The following FAM120A variants were observed in gnomAD, a reference collection of about 807,000 sequenced individuals.
FAM120A encodes family with sequence similarity 120 member A.
In FAM120A, 15 loss-of-function variants were observed where a neutral mutation model predicts 109.7. That is an observed-to-expected ratio of 0.14 (90% CI 0.09 to 0.21). The LOEUF is 0.21. Among genes scored for constraint, FAM120A ranks in the 10% least tolerant of loss-of-function variants. The pLI is 1.00. For missense variants in FAM120A, 899 were observed against 1,439.3 expected, an observed-to-expected ratio of 0.62 and a Z score of 6.07; for synonymous variants, 493 against 572.8, an observed-to-expected ratio of 0.86 and a Z score of 1.99.
intron 3 of FAM120A, among the ~76,000 whole-genome samples, chr9:93,479,668 T>A (rs1184896034): frequency 6.6e-6 from 1 of 152,230 alleles, no homozygotes; most frequent in Non-Finnish European, 1.5e-5. Flanking sequence ...ATAATTTATG[T>A]GATTCCAAAT....
chr9:93,527,486 A>C (rs376126436), intron 8 of FAM120A, among the ~76,000 whole-genome samples: 37 of 152,204 alleles, frequency 2.4e-4, no homozygotes, highest in African/African-American at 8.7e-4. Context: ...CAAGGTGCTT[A>C]GGACCTTCCT....
intron 5 of FAM120A, among the ~76,000 whole-genome samples, chr9:93,501,410 GTGAGTA>G (rs565045599): frequency 5.9e-5 from 9 of 152,206 alleles, no homozygotes; most frequent in Admixed American, 5.9e-4. Context: ...AAGATTTTAG[GTGAGTA>G]TTTTAGAGGT....
At chr9:93,478,655 T>C (rs142937780) in intron 3 of FAM120A, among the ~76,000 whole-genome samples, 1,875 of 152,232 alleles carry the variant, frequency 0.012, 17 homozygotes, top group Middle Eastern at 0.037. Flanking sequence ...TTTGTGTTTT[T>C]AGTAGAGGCA....
Position 93,556,606 on chromosome 9 carries a change from C to T in FAM120A, c.2484+15C>T, listed in dbSNP as rs201824177. ...GTGATGGTCAGGTATGCTGCGGGGC[C>T]GGGTGGCTGCCTTTAACTGCAATGA... On this transcript the variant is annotated intron_variant, in intron 13 of 17. Transcript: ENST00000277165. The T allele has an allele frequency of 3.3e-5, 54 of 1,612,224 alleles. 1 individual carries two copies. Among genetic ancestry groups the T allele is most frequent in the East Asian group, 2.7e-4 (12 of 44,852 alleles).
At chr9:93,467,252 C>G (rs576394805) in intron 1 of FAM120A, among the ~76,000 whole-genome samples, 1 of 111,724 alleles carries the variant, frequency 9.0e-6, no homozygotes, top group Admixed American at 8.5e-5. Context: ...TGTCACCCCC[C>G]CCCCCCTTTT....
At chr9:93,562,944 C>T (rs1862523162) in intron 17 of FAM120A, among the ~76,000 whole-genome samples, 1 of 152,098 alleles carries the variant, frequency 6.6e-6, no homozygotes, top group Non-Finnish European at 1.5e-5. Context: ...GAATTACAGG[C>T]GTGAGCCACC....
chr9:93,473,121 A>G (rs1247184350), intron 2 of FAM120A, among the ~76,000 whole-genome samples: 1 of 151,672 alleles, frequency 6.6e-6, no homozygotes, highest in Non-Finnish European at 1.5e-5. Context: ...TGGTTCAAGC[A>G]GTTCTCATGC....
chr9:93,536,742 T>G (rs1861532853), intron 10 of FAM120A, among the ~76,000 whole-genome samples: 1 of 152,190 alleles, frequency 6.6e-6, no homozygotes, highest in African/African-American at 2.4e-5. Flanking sequence ...TTTCTAACCC[T>G]TCTGCTCCTG....
chr9:93,468,213 A>G (rs1356281656), intron 1 of FAM120A, among the ~76,000 whole-genome samples: 2 of 152,196 alleles, frequency 1.3e-5, no homozygotes, highest in Non-Finnish European at 2.9e-5. Context: ...GTTCTACTGC[A>G]TATTGGCCTG....
At chr9:93,529,751 C>T in intron 9 of FAM120A, 171 bp downstream of exon 9, 2 of 663,624 alleles carry the variant, frequency 3.0e-6, no homozygotes, top group South Asian at 1.8e-5. Context: ...ACATTTATAA[C>T]TGTAAATAGT....
chr9:93,460,686 T>G (rs1857756029), intron 1 of FAM120A, among the ~76,000 whole-genome samples: 1 of 152,220 alleles, frequency 6.6e-6, no homozygotes, highest in African/African-American at 2.4e-5. Context: ...GATGAAGACC[T>G]TGCCTGTTAT....
intron 1 of FAM120A, among the ~76,000 whole-genome samples, chr9:93,456,279 T>C (rs1276340769): frequency 6.6e-6 from 1 of 152,272 alleles, no homozygotes; most frequent in African/African-American, 2.4e-5. Flanking sequence ...ATGAAGTCAC[T>C]GGAGCTTTCA....
chr9:93,492,579 A>T (rs1004385943), intron 3 of FAM120A, among the ~76,000 whole-genome samples: 2 of 152,158 alleles, frequency 1.3e-5, no homozygotes, highest in African/African-American at 2.4e-5. Context: ...CAGGGAGCTC[A>T]TCCCGGACTG....
Position 93,527,144 on chromosome 9 carries a change from T to C in FAM120A, c.1419-11T>C. The C allele has an allele frequency of 1.2e-6, 2 of 1,612,992 alleles. No homozygotes were observed. Among genetic ancestry groups the C allele is most frequent in the Non-Finnish European group, 1.7e-6 (2 of 1,179,000 alleles). On this transcript the variant is annotated splice_polypyrimidine_tract_variant and intron_variant, in intron 7 of 17. Transcript: ENST00000277165. ...GTGATTGGACAGTAATCATGTTCAT[T>C]TTATGTTTAGCCATATCAGCGGGAA...
intron 3 of FAM120A, among the ~76,000 whole-genome samples, chr9:93,480,031 G>C (rs987620288): frequency 6.6e-6 from 1 of 152,162 alleles, no homozygotes; most frequent in Non-Finnish European, 1.5e-5. Flanking sequence ...GTTAGTAGTA[G>C]ATCGTGCTTA....
In FAM120A at chr9:93,460,577, C is replaced by T. The variant is rs1358989348; in HGVS notation, c.474+8188C>T. Among the ~76,000 whole-genome samples, 3 of 152,168 alleles carry T rather than the reference C, an allele frequency of 2.0e-5. No homozygotes were observed. In the East Asian group the frequency reaches 5.8e-4, roughly 29 times the overall value. ...GTCTCGGACTCCTGACCTCGTGATC[C>T]ACCCGCCCTGGCCTCCCAAAGTGCT... On this transcript the variant is annotated intron_variant, in intron 1 of 17. Transcript: ENST00000277165.
At chr9:93,509,854 T>G (rs1263553513) in intron 5 of FAM120A, among the ~76,000 whole-genome samples, 1 of 152,224 alleles carries the variant, frequency 6.6e-6, no homozygotes, top group Non-Finnish European at 1.5e-5. Flanking sequence ...CTAAAAGTCA[T>G]GTACAGACCC....
chr9:93,543,159 G>A, intron 10 of FAM120A, 63 bp from the exon 11 acceptor site: 1 of 1,567,334 alleles, frequency 6.4e-7, no homozygotes, highest in Non-Finnish European at 8.7e-7. Flanking sequence ...GCTTGTTTTT[G>A]TTAAGACTGA....
chr9:93,489,399 A>G (rs1859212801), intron 3 of FAM120A, among the ~76,000 whole-genome samples: 1 of 152,230 alleles, frequency 6.6e-6, no homozygotes, highest in African/African-American at 2.4e-5. Flanking sequence ...GAAGGTGACC[A>G]CAGTACACTA....
Sources: gnomAD v4.1 joint callset for allele counts (sites outside exome capture counted in the v4.1 genomes callset) on GRCh38, gnomAD v4.1.1 for gene constraint, MANE v1.5 for transcripts, NCBI Gene and HGNC (gene_info 2026-07-23, HGNC 2026-07-21) for gene names.